The following GFRA1 variants were observed in gnomAD, a reference collection of about 807,000 sequenced individuals.
The protein encoded by GFRA1 is GDNF family receptor alpha 1.
In GFRA1, 16 loss-of-function variants were observed where a neutral mutation model predicts 51.6. That is an observed-to-expected ratio of 0.31 (90% CI 0.21 to 0.47). GFRA1 has a LOEUF of 0.47. Ranked by LOEUF, GFRA1 falls within the 20% of genes least tolerant of loss-of-function variation. The pLI, the probability that GFRA1 is intolerant of heterozygous loss-of-function variation, is 1.00. For synonymous variants in GFRA1, 270 were observed against 241.3 expected (o/e 1.12, Z -1.10); for missense variants, 530 against 594.3 (o/e 0.89, Z 1.13).
chr10:116,166,166 T>C (rs1960378079), intron 5 of GFRA1, among the ~76,000 whole-genome samples: 1 of 152,212 alleles, frequency 6.6e-6, no homozygotes, highest in African/African-American at 2.4e-5. Flanking sequence ...CCATGGTATA[T>C]GTGTACAACA....
chr10:116,264,212 AC>A, intron 4 of GFRA1, among the ~76,000 whole-genome samples: 1 of 152,182 alleles, frequency 6.6e-6, no homozygotes, highest in East Asian at 1.9e-4. Flanking sequence ...ACAGAAAGGG[AC>A]CAACACTGGC....
intron 3 of GFRA1, among the ~76,000 whole-genome samples, chr10:116,270,557 A>G (rs1312157720): frequency 6.6e-6 from 1 of 152,082 alleles, no homozygotes; most frequent in Non-Finnish European, 1.5e-5. Context: ...CCATGCTCCG[A>G]CCAGGTTTCA....
chr10:116,274,105 T>C (rs984298785), upstream of GFRA1, among the ~76,000 whole-genome samples: 2 of 152,166 alleles, frequency 1.3e-5, no homozygotes, highest in African/African-American at 2.4e-5. Context: ...AAGCCTAACA[T>C]GTACACAGCC....
chr10:116,185,710 T>G (rs1321376404), intron 5 of GFRA1, among the ~76,000 whole-genome samples: 1 of 152,198 alleles, frequency 6.6e-6, no homozygotes, highest in Non-Finnish European at 1.5e-5. Context: ...CTCCCTGTCC[T>G]GCTCCCCACC....
chr10:116,250,593 C>G (rs559265906), intron 4 of GFRA1, among the ~76,000 whole-genome samples: 1 of 152,344 alleles, frequency 6.6e-6, no homozygotes, highest in South Asian at 2.1e-4. Flanking sequence ...CAGGGCAAAG[C>G]TGGCCCCTCC....
intron 4 of GFRA1, among the ~76,000 whole-genome samples, chr10:116,241,345 G>A (rs1400695809): frequency 1.3e-5 from 2 of 152,042 alleles, no homozygotes; most frequent in African/African-American, 4.8e-5. Context: ...AAACAGAGAG[G>A]CTTTGGAGAA....
chr10:116,084,129 T>C (rs1955983114), intron 9 of GFRA1, among the ~76,000 whole-genome samples: 1 of 152,138 alleles, frequency 6.6e-6, no homozygotes, highest in Non-Finnish European at 1.5e-5. Flanking sequence ...GTCTCTACTG[T>C]GAACCCCTTA....
At chr10:116,232,905 G>A (rs1966770265) in intron 4 of GFRA1, among the ~76,000 whole-genome samples, 2 of 152,146 alleles carry the variant, frequency 1.3e-5, no homozygotes, top group South Asian at 2.1e-4. Context: ...CACTTAATGG[G>A]GGGCACAGAG....
chr10:116,219,467 A>G (rs1965778741), intron 4 of GFRA1, among the ~76,000 whole-genome samples: 1 of 152,166 alleles, frequency 6.6e-6, no homozygotes, highest in Non-Finnish European at 1.5e-5. Context: ...AATATTTTAG[A>G]TTGCATTATT....
intron 9 of GFRA1, among the ~76,000 whole-genome samples, chr10:116,068,521 T>C (rs889085648): frequency 9.2e-5 from 14 of 152,188 alleles, no homozygotes; most frequent in Non-Finnish European, 1.9e-4. Flanking sequence ...CCTCTCACAG[T>C]GGGCATGCTG....
At chr10:116,146,512 C>T (rs1565609081) in intron 5 of GFRA1, among the ~76,000 whole-genome samples, 1 of 152,242 alleles carries the variant, frequency 6.6e-6, no homozygotes, top group African/African-American at 2.4e-5. Context: ...CCACAGGACA[C>T]ATTCACATCC....
chr10:116,057,912 A>G lies in GFRA1; in HGVS notation c.*6486T>C, dbSNP rs187404821. On this transcript the variant is annotated 3_prime_UTR_variant, in exon 11 of 11. Transcript: ENST00000355422. ...CCTTCAGCTACAGCTAAAAAATAAT[A>G]ATAATAAAAAAAAATTCCCGATCAA... 2.6e-5 allele frequency: 4 copies of G among 151,902 alleles called. No individual in the cohort carries two copies. The highest frequency in any genetic ancestry group is 1.3e-4 in the Admixed American group (2 of 15,238). 9.4% of individuals were successfully genotyped at this position (151,902 alleles called of 1,614,324 possible).
At chr10:116,158,829 C>A (rs1352281795) in intron 5 of GFRA1, among the ~76,000 whole-genome samples, 2 of 152,194 alleles carry the variant, frequency 1.3e-5, no homozygotes, top group African/African-American at 4.8e-5. Flanking sequence ...GGTGCCAAGG[C>A]AAGCTTACAG....
intron 5 of GFRA1, among the ~76,000 whole-genome samples, chr10:116,152,644 A>G (rs1172145046): frequency 1.3e-5 from 2 of 152,166 alleles, no homozygotes; most frequent in Non-Finnish European, 2.9e-5. Context: ...TGGAAATCAC[A>G]TTTCAACATG....
intron 6 of GFRA1, among the ~76,000 whole-genome samples, chr10:116,114,412 C>T (rs971800684): frequency 2.0e-5 from 3 of 152,170 alleles, no homozygotes; most frequent in African/African-American, 4.8e-5. Context: ...CCTCCGCCTC[C>T]GCCCCTCCGT....
At chr10:116,070,144 T>C (rs779362463) in intron 9 of GFRA1, among the ~76,000 whole-genome samples, 46 of 152,196 alleles carry the variant, frequency 3.0e-4, no homozygotes, top group Non-Finnish European at 6.0e-4. Flanking sequence ...CAAATAGTCA[T>C]AATTAATGAT....
At chr10:116,237,355 G>A (rs572955060) in intron 4 of GFRA1, among the ~76,000 whole-genome samples, 2 of 152,236 alleles carry the variant, frequency 1.3e-5, no homozygotes, top group African/African-American at 4.8e-5. Flanking sequence ...TTCTGTTACT[G>A]TAATTTACAG....
chr10:116,261,811 G>A (rs771968597), intron 4 of GFRA1, among the ~76,000 whole-genome samples: 20 of 152,152 alleles, frequency 1.3e-4, no homozygotes, highest in Non-Finnish European at 2.6e-4. Context: ...AATTACTTTT[G>A]CACCAGCCTA....
At chr10:116,127,183 CTA>C (rs534359896) in intron 5 of GFRA1, among the ~76,000 whole-genome samples, 49 of 152,168 alleles carry the variant, frequency 3.2e-4, no homozygotes, top group African/African-American at 1.1e-3. Context: ...GAGATCTGCT[CTA>C]TAACACTGTG....
Sources: gnomAD v4.1 joint callset for allele counts (sites outside exome capture counted in the v4.1 genomes callset) on GRCh38, gnomAD v4.1.1 for gene constraint, MANE v1.5 for transcripts, NCBI Gene and HGNC (gene_info 2026-07-23, HGNC 2026-07-21) for gene names.